The following C12orf50 variants were observed in gnomAD, a reference collection of about 807,000 sequenced individuals.
The protein encoded by C12orf50 is uncharacterized protein C12orf50.
In C12orf50, 35 loss-of-function variants were observed where a neutral mutation model predicts 61.6. That is an observed-to-expected ratio of 0.57 (90% CI 0.43 to 0.75). The LOEUF is 0.75. Ranked by LOEUF, C12orf50 falls within the 30% of genes least tolerant of loss-of-function variation. The pLI is 0.00. For missense variants in C12orf50, 475 were observed against 488.5 expected (o/e 0.97, Z 0.26); for synonymous variants, 178 against 161.5 (o/e 1.10, Z -0.77).
At chr12:88,014,813 C>T (rs994626919) in intron 3 of C12orf50, among the ~76,000 whole-genome samples, 3 of 152,166 alleles carry the variant, frequency 2.0e-5, no homozygotes, top group Admixed American at 2.0e-4. Context: ...ACACGTAATA[C>T]ACTTAACAGA....
At chr12:88,018,079 G>C (rs1033142695) in intron 3 of C12orf50, among the ~76,000 whole-genome samples, 3 of 152,350 alleles carry the variant, frequency 2.0e-5, no homozygotes, top group East Asian at 1.9e-4. Context: ...TAATCCCCAA[G>C]ATAATGGGGA....
At chr12:88,024,992 G>A (rs1212939418) in intron 3 of C12orf50, among the ~76,000 whole-genome samples, 1 of 152,130 alleles carries the variant, frequency 6.6e-6, no homozygotes, top group Non-Finnish European at 1.5e-5. Flanking sequence ...AAGAATGGGG[G>A]AAGGATTTGG....
chr12:87,983,207 A>T lies in C12orf50; in HGVS notation c.1127-12T>A, dbSNP rs771658663. On this transcript the variant is annotated splice_polypyrimidine_tract_variant and intron_variant, in intron 11 of 12. Coordinates refer to ENST00000298699, the MANE Select transcript of C12orf50 (RefSeq NM_152589.3). ...TGACGTATATTTGTCTGAGGGAAAA[A>T]AATCCAGAATTAAATATTTTATAAC... The T allele has an allele frequency of 6.5e-7, 1 of 1,534,252 alleles. No individual in the cohort carries two copies. The highest frequency in any genetic ancestry group is 1.2e-5 in the South Asian group (1 of 85,012).
Position 88,027,065 on chromosome 12 carries a change from G to A in C12orf50, c.-103C>T, listed in dbSNP as rs773195532. ...CTTCACAGTGTCGGAATCGGCACTG[G>A]GAACCCTAAAAGAAAAAGTAAACAG... is the stretch of plus-strand genomic sequence containing the variant. On this transcript the variant is annotated 5_prime_UTR_variant, in exon 2 of 13. Coordinates refer to ENST00000298699, the MANE Select transcript of C12orf50 (RefSeq NM_152589.3). 3.7e-6 allele frequency: 6 copies of A among 1,607,028 alleles called. No homozygotes were observed. Among genetic ancestry groups the A allele is most frequent in the Non-Finnish European group, 4.2e-6 (5 of 1,178,094 alleles).
chr12:87,989,318 C>T lies in C12orf50; in HGVS notation c.646G>A (p.Glu216Lys). Reference sequence around the variant, plus strand: ...ATTTCTTTCTCTTCAGTTAAAGCTTCACTTTCATCGACTCCAAGAAATATG... The same window carrying T: ...ATTTCTTTCTCTTCAGTTAAAGCTTTACTTTCATCGACTCCAAGAAATATG... ...RVIFLGVDES[E>K]ALTEEKEITI... The change falls in exon 8 of 13, where the codon GAA becomes AAA. Residue 216 changes from glutamate (E) to lysine (K), a missense_variant. Physicochemically the swap from Glu to Lys is moderately conservative, Grantham distance 56. Transcript: ENST00000298699. 3 of 1,611,906 alleles carry T rather than the reference C, an allele frequency of 1.9e-6. No homozygotes were observed. Among genetic ancestry groups the T allele is most frequent in the Non-Finnish European group, 2.5e-6 (3 of 1,178,700 alleles).
intron 3 of C12orf50, among the ~76,000 whole-genome samples, chr12:87,999,060 A>G (rs955279074): frequency 6.6e-6 from 1 of 152,184 alleles, no homozygotes; most frequent in Non-Finnish European, 1.5e-5. Context: ...ACCAAAAGAA[A>G]AAGCAGTCAA....
At chr12:88,026,858 A>C (rs2032725090) in intron 2 of C12orf50, 93 bp downstream of exon 2, 1 of 1,508,702 alleles carries the variant, frequency 6.6e-7, no homozygotes. Flanking sequence ...AGAAGGAAGA[A>C]TGATTTCTTC....
chr12:88,020,648 A>C (rs1366925975), intron 3 of C12orf50, among the ~76,000 whole-genome samples: 2 of 152,140 alleles, frequency 1.3e-5, no homozygotes, highest in South Asian at 2.1e-4. Flanking sequence ...AAAAGCAAAG[A>C]TATTAAGGAC....
At chr12:87,992,066 C>T (rs2031150173) in intron 7 of C12orf50, among the ~76,000 whole-genome samples, 1 of 152,126 alleles carries the variant, frequency 6.6e-6, no homozygotes, top group African/African-American at 2.4e-5. Flanking sequence ...GGCAGCACAG[C>T]ATGGTGGAAG....
intron 7 of C12orf50, 41 bp downstream of exon 7, chr12:87,994,592 T>C (rs749203535): frequency 7.7e-6 from 10 of 1,291,778 alleles, no homozygotes; most frequent in African/African-American, 1.5e-5. Context: ...ATTTATTATG[T>C]GGTGATATAT....
intron 3 of C12orf50, among the ~76,000 whole-genome samples, chr12:88,011,882 G>T (rs1181259489): frequency 1.3e-5 from 2 of 152,070 alleles, no homozygotes; most frequent in African/African-American, 2.4e-5. Flanking sequence ...AATTGAGTTG[G>T]GTTTCTCTCC....
chr12:87,993,660 G>T (rs2031240637), intron 7 of C12orf50, among the ~76,000 whole-genome samples: 2 of 152,094 alleles, frequency 1.3e-5, no homozygotes, highest in Admixed American at 1.3e-4. Context: ...AGAGATACTG[G>T]TACTTACTGA....
At position 87,989,469 on chromosome 12, in the gene C12orf50, C is replaced by T. The variant is rs185822892; in HGVS notation, c.593-98G>A. On this transcript the variant is annotated intron_variant, in intron 7 of 12. Coordinates refer to ENST00000298699, the MANE Select transcript of C12orf50 (RefSeq NM_152589.3). ...TTTTCTACAATACCCCTTTTGTTCA[C>T]CTTTCTTTGGACACTTCTCAGTGAT... is the stretch of plus-strand genomic sequence containing the variant. 4,273 of 779,550 alleles carry T rather than the reference C, an allele frequency of 5.5e-3. 29 individuals are homozygous for T. Among genetic ancestry groups the T allele is most frequent in the Non-Finnish European group, 5.4e-3 (2,519 of 467,550 alleles). 48.3% of individuals were successfully genotyped at this position (779,550 alleles called of 1,614,324 possible).
intron 1 of C12orf50, chr12:88,029,015 T>C: frequency 9.6e-7 from 1 of 1,038,134 alleles, no homozygotes; most frequent in Non-Finnish European, 1.2e-6. Flanking sequence ...TCTCCCTTCA[T>C]TCTACTAAAA....
intron 3 of C12orf50, among the ~76,000 whole-genome samples, chr12:88,008,774 C>G (rs111852073): frequency 6.6e-6 from 1 of 152,124 alleles, no homozygotes; most frequent in Admixed American, 6.6e-5. Context: ...TTTCCTTCCC[C>G]ATACCCACAA....
At chr12:88,004,655 G>C (rs745625381) in intron 3 of C12orf50, among the ~76,000 whole-genome samples, 21 of 152,098 alleles carry the variant, frequency 1.4e-4, no homozygotes, top group Non-Finnish European at 2.8e-4. Context: ...TGGTAGACTG[G>C]ATAAAGAAAA....
chr12:88,004,053 T>C (rs1029832912), intron 3 of C12orf50, among the ~76,000 whole-genome samples: 1 of 152,148 alleles, frequency 6.6e-6, no homozygotes, highest in Admixed American at 6.6e-5. Context: ...TCCCTTATAG[T>C]ATTTTTTTCC....
At chr12:88,025,978 C>T (rs1157366994) in intron 3 of C12orf50, among the ~76,000 whole-genome samples, 5 of 152,162 alleles carry the variant, frequency 3.3e-5, no homozygotes, top group Admixed American at 6.5e-5. Flanking sequence ...AATTGTGCCA[C>T]GGCTTTTGTA....
At chr12:87,992,149 A>G (rs922371916) in intron 7 of C12orf50, among the ~76,000 whole-genome samples, 2 of 152,208 alleles carry the variant, frequency 1.3e-5, no homozygotes, top group African/African-American at 4.8e-5. Context: ...GGCAACCTCA[A>G]GAGAGTCACT....
Sources: gnomAD v4.1 joint callset for allele counts (sites outside exome capture counted in the v4.1 genomes callset) on GRCh38, gnomAD v4.1.1 for gene constraint, MANE v1.5 for transcripts, NCBI Gene and HGNC (gene_info 2026-07-23, HGNC 2026-07-21) for gene names.